The following SUPT3H variants were observed in gnomAD, a reference collection of about 807,000 sequenced individuals.
SUPT3H encodes the protein transcription initiation protein SPT3 homolog.
A neutral mutation model predicts 44.3 loss-of-function variants in SUPT3H; 44 were observed. That is an observed-to-expected ratio of 0.99 (90% CI 0.78 to 1.28). The LOEUF is 1.28. Ranked by LOEUF, SUPT3H falls within the 50% of genes most tolerant of loss-of-function variation. The pLI is 0.00. For synonymous variants in SUPT3H, 124 were observed against 125.6 expected (o/e 0.99, Z 0.09); for missense variants, 380 against 387.1 (o/e 0.98, Z 0.15).
At chr6:45,225,368 T>C (rs964289810) in intron 2 of SUPT3H, among the ~76,000 whole-genome samples, 1 of 152,096 alleles carries the variant, frequency 6.6e-6, no homozygotes, top group African/African-American at 2.4e-5. Flanking sequence ...CAAAAGAACA[T>C]TTAGGCAAAT....
chr6:45,289,142 T>C (rs1444204200), intron 2 of SUPT3H, among the ~76,000 whole-genome samples: 4 of 152,180 alleles, frequency 2.6e-5, no homozygotes, highest in Non-Finnish European at 5.9e-5. Context: ...CAGCATACTA[T>C]TGCACTCTTA....
chr6:45,247,489 C>G (rs574332614), intron 2 of SUPT3H, among the ~76,000 whole-genome samples: 10 of 152,256 alleles, frequency 6.6e-5, no homozygotes, highest in Admixed American at 5.9e-4. Context: ...GCTAGTCATG[C>G]AGGTACCATG....
rs1491408260 is a variant in SUPT3H, at chr6:45,253,872, T to TATAC, written c.101+111328_101+111329insGTAT. Among the ~76,000 whole-genome samples, 219 of 124,072 alleles carry TATAC rather than the reference T, an allele frequency of 1.8e-3. 3 individuals carry two copies. Among genetic ancestry groups the TATAC allele is most frequent in the African/African-American group, 5.9e-3 (206 of 35,158 alleles). The allele number at this position is 124,072 out of a possible 152,430, so 81.4% of individuals were successfully genotyped here. A position where few individuals can be genotyped will look rare whatever the true frequency, so the allele number is the denominator to read the frequency against. ...GCATATATATATATATATATATATA[T>TATAC]ACACACACACAGTACATATATAGAA... On this transcript the variant is annotated intron_variant, in intron 2 of 10. Coordinates refer to ENST00000371459, the MANE Select transcript of SUPT3H (RefSeq NM_003599.4).
chr6:44,820,673 A>G (rs1404169693), intron 11 of SUPT3H, among the ~76,000 whole-genome samples: 1 of 152,228 alleles, frequency 6.6e-6, no homozygotes, highest in Non-Finnish European at 1.5e-5. Context: ...CCTTAATTGC[A>G]GAGTCTACAT....
chr6:45,133,536 A>C (rs1013164786), intron 2 of SUPT3H, among the ~76,000 whole-genome samples: 2 of 152,188 alleles, frequency 1.3e-5, no homozygotes, highest in African/African-American at 2.4e-5. Context: ...TTCCCCAAAA[A>C]TATAAAGCTT....
intron 10 of SUPT3H, among the ~76,000 whole-genome samples, chr6:44,872,523 G>A (rs972235712): frequency 3.3e-5 from 5 of 151,996 alleles, no homozygotes; most frequent in East Asian, 1.9e-4. Context: ...AGGAACAACC[G>A]GTACCAGCCA....
chr6:45,103,682 G>T (rs886813143), intron 3 of SUPT3H, among the ~76,000 whole-genome samples: 3 of 152,128 alleles, frequency 2.0e-5, no homozygotes, highest in African/African-American at 4.8e-5. Context: ...GGCCCTGAAA[G>T]TCTTGTGAAA....
chr6:44,942,336 C>G (rs573317213), intron 9 of SUPT3H, among the ~76,000 whole-genome samples: 1 of 151,844 alleles, frequency 6.6e-6, no homozygotes, highest in South Asian at 2.1e-4. Flanking sequence ...GTAGACTGAT[C>G]AAAACCAGAC....
intron 6 of SUPT3H, among the ~76,000 whole-genome samples, chr6:44,993,383 GT>G (rs1780855217): frequency 6.6e-6 from 1 of 151,812 alleles, no homozygotes; most frequent in Non-Finnish European, 1.5e-5. Context: ...TAAGAGTTAG[GT>G]TAGAGTTCCA....
intron 2 of SUPT3H, among the ~76,000 whole-genome samples, chr6:45,264,670 T>C (rs1385563076): frequency 6.6e-6 from 1 of 152,092 alleles, no homozygotes; most frequent in Non-Finnish European, 1.5e-5. Flanking sequence ...CAGGATAAAA[T>C]AAATAAAACA....
intron 10 of SUPT3H, among the ~76,000 whole-genome samples, chr6:44,881,989 G>T (rs1220306275): frequency 6.6e-6 from 1 of 152,042 alleles, no homozygotes; most frequent in East Asian, 1.9e-4. Flanking sequence ...AGAGAAGCAA[G>T]AGCAAACACA....
intron 6 of SUPT3H, among the ~76,000 whole-genome samples, chr6:44,986,026 A>C (rs1779740044): frequency 6.6e-6 from 1 of 152,204 alleles, no homozygotes; most frequent in Non-Finnish European, 1.5e-5. Context: ...TAAACCAAGT[A>C]TGATAAGTCC....
intron 10 of SUPT3H, among the ~76,000 whole-genome samples, chr6:44,868,090 CT>C (rs2153428613): frequency 6.6e-6 from 1 of 151,770 alleles, no homozygotes; most frequent in South Asian, 2.1e-4. Context: ...TTGCCAAGTT[CT>C]TTTCCCGTTA....
At chr6:44,958,059 T>C (rs999871116) in intron 7 of SUPT3H, among the ~76,000 whole-genome samples, 5 of 152,270 alleles carry the variant, frequency 3.3e-5, no homozygotes, top group African/African-American at 1.2e-4. Flanking sequence ...AACAAGTTCC[T>C]TCTCCTTCGC....
intron 4 of SUPT3H, among the ~76,000 whole-genome samples, chr6:45,019,200 T>G (rs901575325): frequency 6.6e-6 from 1 of 152,174 alleles, no homozygotes; most frequent in African/African-American, 2.4e-5. Context: ...GATATCCCCT[T>G]TATCATTTTT....
At chr6:45,038,099 T>C (rs2153528211) in intron 3 of SUPT3H, among the ~76,000 whole-genome samples, 1 of 152,278 alleles carries the variant, frequency 6.6e-6, no homozygotes, top group Admixed American at 6.5e-5. Context: ...TGTTAGAGTC[T>C]TGACGACATC....
chr6:45,086,276 ATATATACAGTTTCACCTAGTTG>A (rs1178773065), intron 3 of SUPT3H, among the ~76,000 whole-genome samples: 5 of 152,064 alleles, frequency 3.3e-5, no homozygotes, highest in African/African-American at 1.2e-4. Flanking sequence ...TCTCCGAATT[ATATATACAGTTTCACCTAGTTG>A]TGTAAAATCG....
At chr6:45,122,122 T>C (rs1380014260) in intron 2 of SUPT3H, among the ~76,000 whole-genome samples, 1 of 152,178 alleles carries the variant, frequency 6.6e-6, no homozygotes, top group African/African-American at 2.4e-5. Flanking sequence ...AATTAATCTA[T>C]TTACCATAAC....
At chr6:45,195,155 T>C (rs1241527273) in intron 2 of SUPT3H, among the ~76,000 whole-genome samples, 1 of 152,176 alleles carries the variant, frequency 6.6e-6, no homozygotes, top group African/African-American at 2.4e-5. Flanking sequence ...GAAATGAGGC[T>C]AGCTTAATAC....
Sources: allele counts gnomAD v4.1 joint callset (sites outside exome capture counted in the v4.1 genomes callset), GRCh38; gene constraint gnomAD v4.1.1; transcripts MANE v1.5; gene names NCBI Gene and HGNC (gene_info 2026-07-23, HGNC 2026-07-21).